DACH2: variants seen among roughly 807,000 people sequenced by gnomAD.
The protein encoded by DACH2 is dachshund homolog 2.
In DACH2, 17 loss-of-function variants were observed where a neutral mutation model predicts 35.8. The ratio of observed to expected loss-of-function variants is 0.48; its 90% CI spans 0.33 to 0.71. DACH2 has a LOEUF of 0.71. Ranked by LOEUF, DACH2 falls within the 30% of genes least tolerant of loss-of-function variation. DACH2 has a pLI of 0.02. For synonymous variants in DACH2, 195 were observed against 177.3 expected, an observed-to-expected ratio of 1.10 and a Z score of -0.79; for missense variants, 469 against 472.7, an observed-to-expected ratio of 0.99 and a Z score of 0.07.
In DACH2 at chrX:86,343,942, G is replaced by T. The variant is rs2035455260; in HGVS notation, c.489-32882G>T. ...AGTGGGGGGCTGGGGAGGAAGTGGG[G>T]ATGGTTAATGGATACAAAAATATCA... On this transcript the variant is annotated intron_variant, in intron 1 of 11. Transcript: ENST00000373125. Among the ~76,000 whole-genome samples, 3 of 110,271 alleles carry T rather than the reference G, an allele frequency of 2.7e-5. No individual in the cohort carries two copies. In the South Asian group the frequency reaches 1.2e-3, roughly 43 times the overall value.
At chrX:86,537,918 A>G (rs2148295693) in intron 3 of DACH2, among the ~76,000 whole-genome samples, 1 of 111,200 alleles carries the variant, frequency 9.0e-6, no homozygotes, top group Admixed American at 9.6e-5. Flanking sequence ...CTCCTGGCTC[A>G]GAAGCTCCCC....
At chrX:86,764,630 T>C in intron 7 of DACH2, among the ~76,000 whole-genome samples, 2 of 111,548 alleles carry the variant, frequency 1.8e-5, no homozygotes, top group East Asian at 5.6e-4. Flanking sequence ...CAGTTGACTG[T>C]TGATGGGCAC....
At chrX:86,270,460 G>A (rs1446300231) in intron 1 of DACH2, among the ~76,000 whole-genome samples, 2 of 111,556 alleles carry the variant, frequency 1.8e-5, no homozygotes, top group Non-Finnish European at 3.8e-5. Flanking sequence ...CTTGTGAATA[G>A]CTCACTCTCT....
At chrX:86,179,519 T>C (rs759796222) in intron 1 of DACH2, among the ~76,000 whole-genome samples, 13 of 111,930 alleles carry the variant, frequency 1.2e-4, no homozygotes, top group Non-Finnish European at 2.4e-4. Context: ...TGAATCTATG[T>C]ATTTGACACA....
intron 3 of DACH2, among the ~76,000 whole-genome samples, chrX:86,597,854 T>G (rs1363181337): frequency 8.9e-6 from 1 of 111,796 alleles, no homozygotes; most frequent in Non-Finnish European, 1.9e-5. Flanking sequence ...GGCACATATA[T>G]TGTATTAGTC....
chrX:86,411,739 C>T (rs181116035), intron 2 of DACH2, among the ~76,000 whole-genome samples: 13 of 111,647 alleles, frequency 1.2e-4, no homozygotes, highest in Non-Finnish European at 1.7e-4. Context: ...GGAATACTCA[C>T]GAAAATTACA....
chrX:86,464,450 A>G (rs1447846052), intron 2 of DACH2, among the ~76,000 whole-genome samples: 4 of 111,308 alleles, frequency 3.6e-5, no homozygotes, highest in African/African-American at 1.3e-4. Context: ...GTTCTCACTC[A>G]TAAGTGGGAG....
intron 3 of DACH2, among the ~76,000 whole-genome samples, chrX:86,580,214 C>T (rs746654998): frequency 4.5e-5 from 5 of 111,779 alleles, no homozygotes; most frequent in Non-Finnish European, 9.4e-5. Context: ...AAGAAGATAA[C>T]ATTTTTAAAA....
chrX:86,405,894 G>A (rs187642100), intron 2 of DACH2, among the ~76,000 whole-genome samples: 8 of 111,574 alleles, frequency 7.2e-5, no homozygotes, highest in African/African-American at 1.3e-4. Context: ...AAACAAACAC[G>A]TCCTAATTCA....
intron 4 of DACH2, among the ~76,000 whole-genome samples, chrX:86,655,488 A>T (rs778722404): frequency 8.9e-6 from 1 of 112,296 alleles, no homozygotes; most frequent in South Asian, 3.6e-4. Context: ...AATAATAGAC[A>T]TTCCATGAAG....
chrX:86,368,076 C>A (rs2035831897), intron 1 of DACH2, among the ~76,000 whole-genome samples: 1 of 111,498 alleles, frequency 9.0e-6, no homozygotes, highest in African/African-American at 3.3e-5. Context: ...TACTTCAAGA[C>A]CCAAGTCAAA....
chrX:86,277,487 A>G (rs2033940342), intron 1 of DACH2, among the ~76,000 whole-genome samples: 1 of 112,318 alleles, frequency 8.9e-6, no homozygotes, highest in Non-Finnish European at 1.9e-5. Context: ...ATGACTTATT[A>G]CTTGCTGTTT....
chrX:86,441,515 GTA>G (rs1491047804), intron 2 of DACH2, among the ~76,000 whole-genome samples: 4 of 80,315 alleles, frequency 5.0e-5, no homozygotes, highest in East Asian at 8.6e-4. Flanking sequence ...GTGTGTGTGT[GTA>G]TACACCACAT....
At chrX:86,567,373 G>A (rs1160823824) in intron 3 of DACH2, among the ~76,000 whole-genome samples, 2 of 111,149 alleles carry the variant, frequency 1.8e-5, no homozygotes, top group Non-Finnish European at 3.8e-5. Flanking sequence ...GATTTATCTG[G>A]CAGATCTAGG....
chrX:86,307,671 C>T (rs190466685), intron 1 of DACH2, among the ~76,000 whole-genome samples: 1 of 111,028 alleles, frequency 9.0e-6, no homozygotes, highest in Non-Finnish European at 1.9e-5. Flanking sequence ...CAGAAGCCAC[C>T]CCCAACACCT....
intron 2 of DACH2, among the ~76,000 whole-genome samples, chrX:86,480,113 G>A (rs747134579): frequency 1.8e-5 from 2 of 111,844 alleles, no homozygotes; most frequent in South Asian, 3.8e-4. Context: ...TGTACCCATC[G>A]TTTCAGGGAA....
intron 5 of DACH2, among the ~76,000 whole-genome samples, chrX:86,711,448 G>A (rs2041278812): frequency 8.9e-6 from 1 of 112,013 alleles, no homozygotes; most frequent in Non-Finnish European, 1.9e-5. Context: ...TTAGTAACTT[G>A]CATAATGTCC....
intron 5 of DACH2, among the ~76,000 whole-genome samples, chrX:86,696,756 A>G (rs939532923): frequency 2.7e-5 from 3 of 111,205 alleles, no homozygotes; most frequent in Non-Finnish European, 5.7e-5. Context: ...ACAAAAACTC[A>G]TGGGGGCCCT....
intron 2 of DACH2, among the ~76,000 whole-genome samples, chrX:86,468,372 G>T (rs5923534): frequency 0.21 from 22,723 of 110,084 alleles, 2,233 homozygotes; most frequent in Middle Eastern, 0.39. Flanking sequence ...ATATGTGAGT[G>T]GCTTAGAAAG....
Sources: allele counts gnomAD v4.1 joint callset (sites outside exome capture counted in the v4.1 genomes callset), GRCh38; gene constraint gnomAD v4.1.1; transcripts MANE v1.5; gene names NCBI Gene and HGNC (gene_info 2026-07-23, HGNC 2026-07-21).